The following UNC79 variants were observed in gnomAD, a reference collection of about 807,000 sequenced individuals.
The protein encoded by UNC79 is unc-79 subunit of NALCN channel complex, also known as protein unc-79 homolog.
Under a neutral mutation model 283.1 loss-of-function variants are expected in UNC79, and 37 were observed. That is an observed-to-expected ratio of 0.13 (90% CI 0.10 to 0.17). The LOEUF (loss-of-function observed/expected upper bound fraction) is 0.17. Among genes scored for constraint, UNC79 ranks in the 10% least tolerant of loss-of-function variants. The pLI is 1.00. For missense variants in UNC79, 2,272 were observed against 3,211.1 expected, an observed-to-expected ratio of 0.71 and a Z score of 7.07; for synonymous variants, 1,107 against 1,200.2, an observed-to-expected ratio of 0.92 and a Z score of 1.61.
At chr14:93,518,866 C>T (rs2060193958) in intron 7 of UNC79, among the ~76,000 whole-genome samples, 1 of 151,776 alleles carries the variant, frequency 6.6e-6, no homozygotes, top group South Asian at 2.1e-4. Context: ...TTATTGGTTT[C>T]TAGTTTAATT....
intron 39 of UNC79, among the ~76,000 whole-genome samples, chr14:93,661,274 T>A (rs1195689114): frequency 1.3e-5 from 2 of 152,230 alleles, no homozygotes; most frequent in African/African-American, 4.8e-5. Flanking sequence ...ATTTCTGATG[T>A]TGTATTAAGT....
chr14:93,673,290 A>G (rs2073049323), intron 40 of UNC79, 61 bp from the exon 44 acceptor site: 2 of 1,468,938 alleles, frequency 1.4e-6, no homozygotes, highest in Non-Finnish European at 1.9e-6. Flanking sequence ...CTCTTTTGAC[A>G]TGGATATACT....
chr14:93,483,997 C>T (rs1422085384), intron 4 of UNC79, among the ~76,000 whole-genome samples: 2 of 152,178 alleles, frequency 1.3e-5, no homozygotes, highest in Non-Finnish European at 1.5e-5. Flanking sequence ...CCACAACAAA[C>T]ATACCTGTGC....
At chr14:93,510,757 C>T (rs1053898364) in intron 7 of UNC79, among the ~76,000 whole-genome samples, 2 of 152,180 alleles carry the variant, frequency 1.3e-5, no homozygotes, top group Non-Finnish European at 2.9e-5. Context: ...TTTAACAAGT[C>T]TCTAGGAAGT....
In UNC79 at chr14:93,385,180, G is replaced by T. The variant is rs1244593888; in HGVS notation, c.-351+51657G>T. ...CTTTTATGGTTCCATATAAATTTTA[G>T]AATTGTTTTTTCTATTTCTGTGAAG... On this transcript the variant is annotated intron_variant, in intron 1 of 49. Transcript: ENST00000256339. Among the ~76,000 whole-genome samples, 12 of 152,080 alleles carry T rather than the reference G, an allele frequency of 7.9e-5. 1 individual carries two copies. The South Asian group carries it at 2.3e-3, about 29-fold the overall frequency.
upstream of UNC79, among the ~76,000 whole-genome samples, chr14:93,428,862 G>A (rs2055787775): frequency 6.6e-6 from 1 of 152,194 alleles, no homozygotes; most frequent in African/African-American, 2.4e-5. Context: ...CACAGATCAT[G>A]AGAGGCAAAG....
At chr14:93,538,240 G>A in intron 12 of UNC79, 22 bp downstream of exon 12, 1 of 1,525,846 alleles carries the variant, frequency 6.6e-7, no homozygotes, top group African/African-American at 1.4e-5. Flanking sequence ...TTTCTTAGTA[G>A]CTGCCTCTGA....
chr14:93,414,308 C>G (rs1279927631), intron 1 of UNC79, among the ~76,000 whole-genome samples: 3 of 152,080 alleles, frequency 2.0e-5, no homozygotes, highest in African/African-American at 2.4e-5. Context: ...TCTTGTTTTT[C>G]TCAGGTTTGT....
intron 1 of UNC79, among the ~76,000 whole-genome samples, chr14:93,455,068 C>T (rs1006076147): frequency 6.6e-6 from 1 of 152,128 alleles, no homozygotes; most frequent in African/African-American, 2.4e-5. Flanking sequence ...AATTTGCTAC[C>T]TGGAACCAAA....
intron 35 of UNC79, among the ~76,000 whole-genome samples, chr14:93,647,694 G>GC (rs1184408678): frequency 6.6e-6 from 1 of 152,168 alleles, no homozygotes; most frequent in Non-Finnish European, 1.5e-5. Flanking sequence ...TAAGGATGCA[G>GC]CAGGGAGTCA....
At chr14:93,527,118 A>G in intron 8 of UNC79, among the ~76,000 whole-genome samples, 1 of 152,376 alleles carries the variant, frequency 6.6e-6, no homozygotes, top group East Asian at 1.9e-4. Flanking sequence ...AAAGTTTACG[A>G]TATCATACTC....
At chr14:93,346,636 A>G (rs2053837485) in intron 1 of UNC79, among the ~76,000 whole-genome samples, 1 of 152,118 alleles carries the variant, frequency 6.6e-6, no homozygotes, top group South Asian at 2.1e-4. Flanking sequence ...GAATTAACCT[A>G]TAGACATTTT....
chr14:93,593,748 C>T (rs2064859554), exon 23 of UNC79: 2 of 1,613,992 alleles, frequency 1.2e-6, no homozygotes, highest in Admixed American at 1.7e-5. Flanking sequence ...CTCCTCCATG[C>T]CCTGTCACTT....
intron 8 of UNC79, 115 bp downstream of exon 8, chr14:93,524,157 T>A: frequency 9.2e-7 from 1 of 1,092,666 alleles, no homozygotes; most frequent in Non-Finnish European, 1.4e-6. Flanking sequence ...CTGTAGTAAT[T>A]CGAAGTACCT....
chr14:93,412,684 T>G (rs1010932980), intron 1 of UNC79, among the ~76,000 whole-genome samples: 3 of 152,062 alleles, frequency 2.0e-5, no homozygotes, highest in African/African-American at 7.2e-5. Flanking sequence ...GATATCTTTC[T>G]CTATGTTTGC....
intron 2 of UNC79, 112 bp from the exon 3 acceptor site, chr14:93,473,977 C>A: frequency 7.6e-7 from 1 of 1,323,202 alleles, no homozygotes; most frequent in Non-Finnish European, 1.0e-6. Context: ...GCAATTGCAT[C>A]TTATGTGGAA....
intron 14 of UNC79, among the ~76,000 whole-genome samples, chr14:93,567,514 A>G (rs1333252050): frequency 3.3e-5 from 5 of 152,154 alleles, no homozygotes; most frequent in African/African-American, 1.2e-4. Flanking sequence ...GGTGTGAGCC[A>G]CCATGCCCGG....
chr14:93,541,158 A>G (rs2061351701), intron 13 of UNC79, among the ~76,000 whole-genome samples: 1 of 152,208 alleles, frequency 6.6e-6, no homozygotes, highest in Non-Finnish European at 1.5e-5. Flanking sequence ...AGTTGCTAGT[A>G]TATATTGTCA....
chr14:93,462,440 C>T (rs990528196), intron 1 of UNC79, among the ~76,000 whole-genome samples: 7 of 152,294 alleles, frequency 4.6e-5, no homozygotes, highest in Non-Finnish European at 8.8e-5. Flanking sequence ...AGTGGGCAGC[C>T]CCTGAAGGAC....
Sources: allele counts gnomAD v4.1 joint callset (sites outside exome capture counted in the v4.1 genomes callset), GRCh38; gene constraint gnomAD v4.1.1; transcripts MANE v1.5; gene names NCBI Gene and HGNC (gene_info 2026-07-23, HGNC 2026-07-21).